The following VWC2 variants were observed in gnomAD, a reference collection of about 807,000 sequenced individuals.
VWC2 encodes brorin.
A neutral mutation model predicts 29.8 loss-of-function variants in VWC2; 14 were observed. The observed-to-expected ratio is 0.47, with a 90% CI of 0.31 to 0.74. The LOEUF is 0.74. VWC2 is among the 30% of genes least tolerant of loss of function. VWC2 has a pLI of 0.05. For missense variants in VWC2, 457 were observed against 459.8 expected, an observed-to-expected ratio of 0.99 and a Z score of 0.05; for synonymous variants, 213 against 199.0, an observed-to-expected ratio of 1.07 and a Z score of -0.59.
At chr7:49,782,041 A>G (rs1788188991) in intron 2 of VWC2, among the ~76,000 whole-genome samples, 2 of 152,296 alleles carry the variant, frequency 1.3e-5, no homozygotes, top group African/African-American at 2.4e-5. Flanking sequence ...GAGGTATTCT[A>G]TTTGGCTCAT....
chr7:49,830,368 C>T (rs1789497602), intron 3 of VWC2, among the ~76,000 whole-genome samples: 1 of 152,144 alleles, frequency 6.6e-6, no homozygotes, highest in Admixed American at 6.6e-5. Flanking sequence ...TCTGGTTTCT[C>T]TGGTATCTAG....
At chr7:49,824,525 T>A (rs1789348025) in intron 3 of VWC2, among the ~76,000 whole-genome samples, 1 of 152,192 alleles carries the variant, frequency 6.6e-6, no homozygotes, top group African/African-American at 2.4e-5. Flanking sequence ...CTTTATTTTT[T>A]AAAATTCCCT....
At position 49,917,795 on chromosome 7, in the gene VWC2, T is replaced by A. The variant is rs1793803858; in HGVS notation, c.*5610T>A. The A allele has an allele frequency of 6.6e-6, 1 of 151,734 alleles. No individual in the cohort carries two copies. The highest frequency in any genetic ancestry group is 2.4e-5 in the African/African-American group (1 of 41,426). The allele number at this position is 151,734 out of a possible 1,614,324, so 9.4% of individuals were successfully genotyped here. ...GATTAATATTTTCTATTATTTGAAT[T>A]TCTGTAATTTATGTTTTAGAAAGAA... On this transcript the variant is annotated 3_prime_UTR_variant, in exon 4 of 4. Transcript: ENST00000340652.
At chr7:49,859,349 T>C (rs189901406) in intron 3 of VWC2, among the ~76,000 whole-genome samples, 204 of 152,354 alleles carry the variant, frequency 1.3e-3, no homozygotes, top group Non-Finnish European at 2.3e-3. Context: ...TAAAATCTTA[T>C]CCTCCTTAGG....
chr7:49,854,397 T>C (rs1005176203), intron 3 of VWC2, among the ~76,000 whole-genome samples: 33 of 152,248 alleles, frequency 2.2e-4, no homozygotes, highest in African/African-American at 7.9e-4. Context: ...TTTTTAATGA[T>C]CGCTATTCTA....
At chr7:49,825,844 C>T (rs1171174568) in intron 3 of VWC2, among the ~76,000 whole-genome samples, 1 of 152,192 alleles carries the variant, frequency 6.6e-6, no homozygotes, top group Non-Finnish European at 1.5e-5. Flanking sequence ...TGGCCACCTC[C>T]TCAGACTCCT....
At chr7:49,795,340 GAGTT>G (rs1260236375) in intron 2 of VWC2, among the ~76,000 whole-genome samples, 2 of 152,208 alleles carry the variant, frequency 1.3e-5, no homozygotes, top group East Asian at 3.8e-4. Flanking sequence ...GTAGAGCAGA[GAGTT>G]AGACGTCTGG....
intron 3 of VWC2, among the ~76,000 whole-genome samples, chr7:49,847,442 T>C (rs1282394452): frequency 6.6e-6 from 1 of 152,098 alleles, no homozygotes; most frequent in African/African-American, 2.4e-5. Flanking sequence ...CAGGGATCCC[T>C]GACCATTATT....
At position 49,802,794 on chromosome 7, in the gene VWC2, G is replaced by A. The variant is rs367837703; in HGVS notation, c.780G>A (p.Val260=). The change falls in exon 3 of 4, where the codon GTG becomes GTA. Residue 260 remains valine, a synonymous_variant. Coordinates refer to ENST00000340652, the MANE Select transcript of VWC2 (RefSeq NM_198570.5). ...CAGCGTGTCCCCAGACGGAGTGTGT[G>A]GACCCTGTGTACGAGCCTGATCAGT... ...TVSACPQTEC[V]DPVYEPDQCC... 109 of 1,614,078 alleles carry A rather than the reference G, an allele frequency of 6.8e-5. No individual in the cohort carries two copies. Among genetic ancestry groups the A allele is most frequent in the Middle Eastern group, 1.6e-4 (1 of 6,084 alleles).
Position 49,775,927 on chromosome 7 carries a change from G to T in VWC2, c.492G>T (p.Ala164=). 6.4e-7 allele frequency: 1 copy of T among 1,556,708 alleles called. No homozygotes were observed. ...TGGACGAGAGCGGCTTCGTGTACGC[G>T]ATCGGGGAGAAGTTCGCGCCGGGCC... ...GCVDESGFVY[A]IGEKFAPGPS... is the part of the protein sequence containing the mutation. Residue 164 remains alanine, a synonymous_variant, in exon 2 of 4, where the codon GCG becomes GCT. Coordinates refer to ENST00000340652, the MANE Select transcript of VWC2 (RefSeq NM_198570.5).
At chr7:49,859,657 T>C (rs1790567606) in intron 3 of VWC2, among the ~76,000 whole-genome samples, 1 of 152,258 alleles carries the variant, frequency 6.6e-6, no homozygotes, top group African/African-American at 2.4e-5. Context: ...CTGTGCTCTC[T>C]AAAGTGCTAT....
intron 3 of VWC2, among the ~76,000 whole-genome samples, chr7:49,892,031 ATTTTTTTTTTTT>A (rs536880676): frequency 4.5e-4 from 24 of 53,290 alleles, no homozygotes; most frequent in African/African-American, 1.4e-3. Context: ...GACAAAGTAG[ATTTTTTTTTTTT>A]TTTTTTTTTT....
At chr7:49,869,752 C>A (rs1000186590) in intron 3 of VWC2, among the ~76,000 whole-genome samples, 1 of 152,106 alleles carries the variant, frequency 6.6e-6, no homozygotes, top group African/African-American at 2.4e-5. Context: ...TACACTATGA[C>A]CAGCAAACAT....
At chr7:49,779,540 C>A (rs962133910) in intron 2 of VWC2, among the ~76,000 whole-genome samples, 1 of 151,944 alleles carries the variant, frequency 6.6e-6, no homozygotes, top group Non-Finnish European at 1.5e-5. Flanking sequence ...TTAACTTATA[C>A]CAGCAGGCAT....
At chr7:49,911,739 T>A (rs7788609) in intron 3 of VWC2, among the ~76,000 whole-genome samples, 121,304 of 151,564 alleles carry the variant, frequency 0.8, 48,664 homozygotes, top group East Asian at 0.92. Context: ...TCTACAAAAA[T>A]TACAAAAACT....
chr7:49,801,494 G>C (rs968386450), intron 2 of VWC2, among the ~76,000 whole-genome samples: 1 of 152,220 alleles, frequency 6.6e-6, no homozygotes, highest in Non-Finnish European at 1.5e-5. Flanking sequence ...AAATCACCAT[G>C]CCCTGTGTGA....
intron 3 of VWC2, among the ~76,000 whole-genome samples, chr7:49,854,976 G>A (rs1448756125): frequency 1.3e-5 from 2 of 152,222 alleles, no homozygotes; most frequent in African/African-American, 2.4e-5. Context: ...TTTGTCATAA[G>A]AGTAGTGCCA....
At chr7:49,821,727 T>C (rs745532629) in intron 3 of VWC2, among the ~76,000 whole-genome samples, 9 of 152,170 alleles carry the variant, frequency 5.9e-5, no homozygotes, top group Non-Finnish European at 7.3e-5. Context: ...TATTGCAAAT[T>C]GTATTTTAAA....
chr7:49,876,351 A>T (rs1376012525), intron 3 of VWC2, among the ~76,000 whole-genome samples: 1 of 152,142 alleles, frequency 6.6e-6, no homozygotes, highest in African/African-American at 2.4e-5. Flanking sequence ...TCTGCCTTCC[A>T]CTTTGTGGTT....
Sources: gnomAD v4.1 joint callset for allele counts (sites outside exome capture counted in the v4.1 genomes callset) on GRCh38, gnomAD v4.1.1 for gene constraint, MANE v1.5 for transcripts, NCBI Gene and HGNC (gene_info 2026-07-23, HGNC 2026-07-21) for gene names.